The following EYA1 variants were observed in gnomAD, a reference collection of about 807,000 sequenced individuals.
EYA1 encodes the protein protein phosphatase EYA1.
In EYA1, 16 loss-of-function variants were observed where a neutral mutation model predicts 82.0. That is an observed-to-expected ratio of 0.20 (90% confidence interval 0.13 to 0.30). The LOEUF is 0.30. Among genes scored for constraint, EYA1 ranks in the 10% least tolerant of loss-of-function variants. EYA1 has a pLI of 1.00. For synonymous variants in EYA1, 261 were observed against 264.4 expected, an observed-to-expected ratio of 0.99 and a Z score of 0.12; for missense variants, 633 against 730.7, an observed-to-expected ratio of 0.87 and a Z score of 1.54.
intron 2 of EYA1, among the ~76,000 whole-genome samples, chr8:71,482,629 A>T (rs1221938988): frequency 6.6e-6 from 1 of 152,224 alleles, no homozygotes; most frequent in Non-Finnish European, 1.5e-5. Flanking sequence ...CAAAAAATGA[A>T]ATCATCAAAT....
Position 71,215,724 on chromosome 8 carries a change from C to T in EYA1, c.1365G>A (p.Leu455=), listed in dbSNP as rs375836302. The T allele has an allele frequency of 1.2e-6, 2 of 1,611,204 alleles. No homozygotes were observed. Among genetic ancestry groups the T allele is most frequent in the African/African-American group, 2.7e-5 (2 of 74,858 alleles). The stretch of plus-strand genomic sequence containing the variant: ...AGGCTTCCCTCTTAGCTGGACCAAG[C>T]AGACCTGAGGATTTAAAAGCACATG... ...YNTYKNNVGG[L]LGPAKREAWL... Residue 455 remains leucine, a synonymous_variant, in exon 15 of 18, where the codon CTG becomes CTA. Coordinates refer to ENST00000340726, the MANE Select transcript of EYA1 (RefSeq NM_000503.6).
intron 11 of EYA1, among the ~76,000 whole-genome samples, chr8:71,264,222 A>G (rs1422154980): frequency 2.0e-5 from 3 of 152,198 alleles, no homozygotes; most frequent in African/African-American, 7.2e-5. Flanking sequence ...ATCAACCACC[A>G]TGGAAGAAAA....
chr8:71,479,525 C>T (rs759070200), intron 2 of EYA1, among the ~76,000 whole-genome samples: 1 of 150,998 alleles, frequency 6.6e-6, no homozygotes, highest in African/African-American at 2.4e-5. Flanking sequence ...GTCTGTATTG[C>T]ACACTACTGT....
At chr8:71,357,642 CTTCTG>C (rs1424100250) in intron 1 of EYA1, among the ~76,000 whole-genome samples, 2 of 152,168 alleles carry the variant, frequency 1.3e-5, no homozygotes, top group African/African-American at 2.4e-5. Flanking sequence ...AACCAAACGT[CTTCTG>C]TTAAGTCCTG....
At chr8:71,521,366 A>C (rs992642219) in intron 2 of EYA1, among the ~76,000 whole-genome samples, 1 of 152,156 alleles carries the variant, frequency 6.6e-6, no homozygotes, top group African/African-American at 2.4e-5. Flanking sequence ...TAACTGAGAT[A>C]CTCATAGTCT....
At chr8:71,309,362 CAAAA>C (rs3086592) in intron 7 of EYA1, among the ~76,000 whole-genome samples, 4,447 of 146,520 alleles carry the variant, frequency 0.03, 99 homozygotes, top group South Asian at 0.055. Flanking sequence ...TCAATTTAAG[CAAAA>C]AAAAAAAAAA....
At position 71,215,628 on chromosome 8, in the gene EYA1, C is replaced by T. The variant is rs773439507; in HGVS notation, c.1461G>A (p.Ser487=). The change falls in exon 15 of 18, where the codon TCG becomes TCA. Residue 487 remains serine, a synonymous_variant. Coordinates refer to ENST00000340726, the MANE Select transcript of EYA1 (RefSeq NM_000503.6). Reference sequence around the variant, plus strand: ...GAGAGCCTCACCGGGAGTGAATGAGCGAGAGTGCTTTCAGGGCCAGTGTCA... The same window carrying T: ...GAGAGCCTCACCGGGAGTGAATGAGTGAGAGTGCTTTCAGGGCCAGTGTCA... ...SWLTLALKAL[S]LIHSRTNCVN... is the part of the protein sequence containing the mutation. 4.0e-5 allele frequency: 64 copies of T among 1,613,884 alleles called. No homozygotes were observed. The highest frequency in any genetic ancestry group is 5.0e-5 in the Admixed American group (3 of 60,004).
chr8:71,278,687 T>G (rs1468424523), intron 9 of EYA1, among the ~76,000 whole-genome samples: 1 of 152,224 alleles, frequency 6.6e-6, no homozygotes, highest in East Asian at 1.9e-4. Context: ...AAATTATGCT[T>G]TCCTTCACAG....
At chr8:71,545,996 TC>T (rs879721256) in intron 1 of EYA1, among the ~76,000 whole-genome samples, 6 of 152,298 alleles carry the variant, frequency 3.9e-5, no homozygotes, top group Non-Finnish European at 8.8e-5. Flanking sequence ...TTGTCTGACA[TC>T]CATCCCTGTT....
intron 2 of EYA1, among the ~76,000 whole-genome samples, chr8:71,466,341 T>C (rs372936633): frequency 4.6e-5 from 7 of 151,854 alleles, no homozygotes; most frequent in African/African-American, 1.7e-4. Context: ...TTCTGAAAAG[T>C]TTTTTTGAAA....
At chr8:71,261,995 T>A (rs1180030257) in intron 11 of EYA1, among the ~76,000 whole-genome samples, 1 of 152,270 alleles carries the variant, frequency 6.6e-6, no homozygotes, top group Non-Finnish European at 1.5e-5. Flanking sequence ...ATTGCCATCA[T>A]GTTCTTCCAT....
chr8:71,219,830 T>C (rs1357785920), intron 12 of EYA1, among the ~76,000 whole-genome samples: 3 of 152,224 alleles, frequency 2.0e-5, no homozygotes, highest in Admixed American at 6.5e-5. Context: ...CAGCCTCTTC[T>C]GTGGGGAGAA....
chr8:71,539,049 C>T (rs894015448), intron 1 of EYA1, among the ~76,000 whole-genome samples: 2 of 152,046 alleles, frequency 1.3e-5, no homozygotes, highest in Non-Finnish European at 2.9e-5. Flanking sequence ...CAGTGGAATC[C>T]TACCCTTCTA....
At chr8:71,253,753 A>G (rs187306655) in intron 11 of EYA1, among the ~76,000 whole-genome samples, 1 of 152,326 alleles carries the variant, frequency 6.6e-6, no homozygotes, top group Non-Finnish European at 1.5e-5. Flanking sequence ...TATTGAAAAG[A>G]TAACAAAGGA....
chr8:71,504,404 C>A (rs1586845586), intron 2 of EYA1, among the ~76,000 whole-genome samples: 1 of 152,080 alleles, frequency 6.6e-6, no homozygotes, highest in Admixed American at 6.5e-5. Context: ...GTATGGTTAT[C>A]AAATTTCTTT....
intron 2 of EYA1, among the ~76,000 whole-genome samples, chr8:71,478,302 T>C (rs941932051): frequency 1.3e-5 from 2 of 152,152 alleles, no homozygotes; most frequent in African/African-American, 2.4e-5. Flanking sequence ...CATCCAACTT[T>C]ATAAACAGAG....
At chr8:71,230,556 G>A (rs932226633) in intron 12 of EYA1, among the ~76,000 whole-genome samples, 19 of 152,190 alleles carry the variant, frequency 1.2e-4, no homozygotes, top group African/African-American at 3.6e-4. Context: ...TCTGAAGCCA[G>A]TCAGGGTTGA....
At chr8:71,406,407 C>T (rs1166304331) in intron 2 of EYA1, among the ~76,000 whole-genome samples, 2 of 152,212 alleles carry the variant, frequency 1.3e-5, no homozygotes, top group Non-Finnish European at 1.5e-5. Context: ...CGGTCTACAG[C>T]TCCCAGCGTG....
intron 11 of EYA1, among the ~76,000 whole-genome samples, chr8:71,258,780 T>C (rs1283647690): frequency 6.6e-6 from 1 of 152,386 alleles, no homozygotes; most frequent in East Asian, 1.9e-4. Flanking sequence ...TGATCTTAAC[T>C]ATCTTGTAAA....
Sources: allele counts gnomAD v4.1 joint callset (sites outside exome capture counted in the v4.1 genomes callset), GRCh38; gene constraint gnomAD v4.1.1; transcripts MANE v1.5; gene names NCBI Gene and HGNC (gene_info 2026-07-23, HGNC 2026-07-21).